Variants in USP43 observed in about 807,000 individuals in gnomAD.
USP43 encodes the protein ubiquitin specific peptidase 43.
In USP43, 33 loss-of-function variants were observed where a neutral mutation model predicts 90.7. The observed-to-expected ratio is 0.36, with a 90% CI of 0.28 to 0.49. USP43 has a LOEUF of 0.49. Among genes scored for constraint, USP43 ranks in the 20% least tolerant of loss-of-function variants. The probability of loss-of-function intolerance (pLI) is 0.98; values close to 1 mark genes in which losing one functional copy is unlikely to be tolerated. For missense variants in USP43, 1,274 were observed against 1,476.4 expected, an observed-to-expected ratio of 0.86 and a Z score of 2.25; for synonymous variants, 598 against 615.8, an observed-to-expected ratio of 0.97 and a Z score of 0.43.
intron 1 of USP43, among the ~76,000 whole-genome samples, chr17:9,654,803 T>C (rs1184024572): frequency 6.6e-6 from 1 of 151,882 alleles, no homozygotes; most frequent in African/African-American, 2.4e-5. Flanking sequence ...AGTGGTGCAA[T>C]CTCTCCTCAC....
In USP43 at chr17:9,663,558, G is replaced by A. The variant is rs180809966; in HGVS notation, c.637-3090G>A. Among the ~76,000 whole-genome samples, 491 of 150,062 alleles carry A rather than the reference G, an allele frequency of 3.3e-3. 8 individuals carry two copies. Among genetic ancestry groups the A allele is most frequent in the Admixed American group, 0.029 (446 of 15,134 alleles). ...GGTGATCCACCCGCCTCAGCCTCCC[G>A]AAGTGCTGGAATTACAGGCGTGAGC... On this transcript the variant is annotated intron_variant, in intron 2 of 14. Coordinates refer to ENST00000285199, the MANE Select transcript of USP43 (RefSeq NM_153210.5).
chr17:9,658,397 G>C (rs938604537), intron 2 of USP43, among the ~76,000 whole-genome samples: 7 of 151,898 alleles, frequency 4.6e-5, no homozygotes, highest in Non-Finnish European at 7.4e-5. Flanking sequence ...ACTATATATG[G>C]TCCATGTATC....
chr17:9,683,085 C>T, intron 7 of USP43, 127 bp downstream of exon 7: 1 of 1,261,574 alleles, frequency 7.9e-7, no homozygotes, highest in Non-Finnish European at 1.1e-6. Flanking sequence ...GAAGTAGGGT[C>T]CTTTCTGATT....
intron 12 of USP43, among the ~76,000 whole-genome samples, chr17:9,703,391 G>A (rs1177564563): frequency 6.6e-6 from 1 of 152,218 alleles, no homozygotes; most frequent in Non-Finnish European, 1.5e-5. Flanking sequence ...GGCGTGAGAA[G>A]CGTTGGCATC....
rs912948290 is a variant in USP43, at chr17:9,647,856, A to C, written c.504+1720A>C. ...CGTCTTTACTAAAAATCCAAAAAAA[A>C]AAAAAAAAAAAAAAATTAGCCGGAC... On this transcript the variant is annotated intron_variant, in intron 1 of 14. Coordinates refer to ENST00000285199, the MANE Select transcript of USP43 (RefSeq NM_153210.5). Among the ~76,000 whole-genome samples the C allele has an allele frequency of 1.2e-4, 18 of 150,622 alleles. 1 individual carries two copies. The highest frequency in any genetic ancestry group is 2.9e-4 in the African/African-American group (12 of 41,112).
At chr17:9,708,442 G>A (rs935979510) in intron 12 of USP43, among the ~76,000 whole-genome samples, 1 of 152,178 alleles carries the variant, frequency 6.6e-6, no homozygotes, top group African/African-American at 2.4e-5. Flanking sequence ...AGATGTTGGT[G>A]TTGACAATCA....
chr17:9,712,245 A>G, intron 14 of USP43, 113 bp downstream of exon 14: 1 of 1,288,658 alleles, frequency 7.8e-7, no homozygotes, highest in Non-Finnish European at 1.0e-6. Context: ...GTCCATCATT[A>G]CGAGAGGTTT....
chr17:9,727,598 T>C (rs9896300), intron 14 of USP43, among the ~76,000 whole-genome samples: 9,296 of 152,196 alleles, frequency 0.061, 544 homozygotes, highest in East Asian at 0.33. Context: ...GCAGGAACTT[T>C]TGCTGGGCAT....
At chr17:9,676,571 C>T (rs1913793361) in intron 4 of USP43, among the ~76,000 whole-genome samples, 175 bp from the exon 5 acceptor site, 1 of 152,168 alleles carries the variant, frequency 6.6e-6, no homozygotes, top group African/African-American at 2.4e-5. Context: ...GGGGTTTCAC[C>T]ATGCTGGCCA....
At position 9,693,182 on chromosome 17, in the gene USP43, A is replaced by G. The variant is rs1337339896; in HGVS notation, c.1409A>G (p.Tyr470Cys). The G allele has an allele frequency of 8.7e-6, 14 of 1,613,370 alleles. No individual in the cohort carries two copies. The highest frequency in any genetic ancestry group is 1.2e-5 in the Non-Finnish European group (14 of 1,179,796). ...RVVGLSVACSYLSPKDSRPLC... is the reference protein window; with the variant it reads ...RVVGLSVACSCLSPKDSRPLC... ...GTGGGACTCTCTGTGGCCTGCAGCT[A>G]TTTGTCTCCGAAGGACAGTCGGCCC... Residue 470 changes from tyrosine to cysteine, a missense_variant, in exon 9 of 15, where the codon TAT (tyrosine) becomes TGT (cysteine). By Grantham distance (194) the Tyr-to-Cys change is radical. This residue lies in a region of USP43 where 253 missense variants were observed against 276.0 expected (regional missense o/e 0.92). Coordinates refer to ENST00000285199, the MANE Select transcript of USP43 (RefSeq NM_153210.5).
intron 14 of USP43, among the ~76,000 whole-genome samples, chr17:9,722,437 A>C (rs112006744): frequency 6.6e-6 from 1 of 152,162 alleles, no homozygotes; most frequent in African/African-American, 2.4e-5. Context: ...GTCCATGCCG[A>C]TGTAATGTAA....
At chr17:9,679,772 T>G (rs1914040969) in intron 5 of USP43, among the ~76,000 whole-genome samples, 1 of 152,098 alleles carries the variant, frequency 6.6e-6, no homozygotes, top group Non-Finnish European at 1.5e-5. Flanking sequence ...GTAACAGAGT[T>G]GGGTCTAGGG....
rs766649808 is a variant in USP43, at chr17:9,682,816, C to T, written c.1106-7C>T. The T allele has an allele frequency of 6.8e-6, 11 of 1,613,640 alleles. No homozygotes were observed. The highest frequency in any genetic ancestry group is 8.5e-6 in the Non-Finnish European group (10 of 1,179,746). ...AATATGAACAAATGTCATTCTCTCCCTTCTAGCTCATCCACTGGGTCTGTC... is the reference window on the plus strand; with the variant it reads ...AATATGAACAAATGTCATTCTCTCCTTTCTAGCTCATCCACTGGGTCTGTC... On this transcript the variant is annotated splice_region_variant and splice_polypyrimidine_tract_variant and intron_variant, in intron 6 of 14. Coordinates refer to ENST00000285199, the MANE Select transcript of USP43 (RefSeq NM_153210.5).
chr17:9,713,468 C>T (rs1191266611), intron 14 of USP43, among the ~76,000 whole-genome samples: 1 of 152,144 alleles, frequency 6.6e-6, no homozygotes, highest in East Asian at 1.9e-4. Context: ...TCCCTACCTC[C>T]ATAAAATCAA....
At chr17:9,668,836 C>T (rs1913209231) in intron 3 of USP43, among the ~76,000 whole-genome samples, 1 of 150,888 alleles carries the variant, frequency 6.6e-6, no homozygotes, top group African/African-American at 2.5e-5. Context: ...GGGCATCTGT[C>T]TTATTTATTT....
intron 12 of USP43, among the ~76,000 whole-genome samples, chr17:9,708,784 C>T (rs903907358): frequency 3.9e-5 from 6 of 152,238 alleles, no homozygotes; most frequent in East Asian, 1.9e-4. Flanking sequence ...TGCACCACTA[C>T]GCCCAGCTAA....
upstream of USP43, chr17:9,645,284 C>T (rs1392469882): frequency 5.6e-6 from 1 of 177,024 alleles, no homozygotes; most frequent in African/African-American, 2.4e-5. This position sits in a 1 kb window ranked among gnomAD's most constrained non-coding sequence, Gnocchi z 6.8. Flanking sequence ...ATTTCCACTG[C>T]TTGAAGGCTG....
At chr17:9,668,479 T>C (rs532653135) in intron 3 of USP43, among the ~76,000 whole-genome samples, 1 of 152,342 alleles carries the variant, frequency 6.6e-6, no homozygotes, top group South Asian at 2.1e-4. Context: ...AGGCTGATTG[T>C]TTATTTAGGA....
intron 8 of USP43, among the ~76,000 whole-genome samples, chr17:9,690,418 T>A (rs929651639): frequency 4.6e-5 from 7 of 152,156 alleles, no homozygotes; most frequent in Non-Finnish European, 8.8e-5. Context: ...TTTTAAAAAA[T>A]TTTGGTAAAA....
Sources: allele counts gnomAD v4.1 joint callset (sites outside exome capture counted in the v4.1 genomes callset), GRCh38; gene constraint gnomAD v4.1.1; regional missense constraint gnomAD v4.1.1; non-coding constraint Gnocchi (gnomAD v3.1); transcripts MANE v1.5; gene names NCBI Gene and HGNC (gene_info 2026-07-23, HGNC 2026-07-21).